The following CPA6 variants were observed in gnomAD, a reference collection of about 807,000 sequenced individuals.
The protein encoded by CPA6 is carboxypeptidase B.
A neutral mutation model predicts 63.3 loss-of-function variants in CPA6; 58 were observed. The ratio of observed to expected loss-of-function variants is 0.92; its 90% CI spans 0.74 to 1.14. The LOEUF is 1.14. Ranked by LOEUF, CPA6 falls within the 50% of genes most tolerant of loss-of-function variation. CPA6 has a pLI of 0.00. For missense variants in CPA6, 565 were observed against 526.6 expected (o/e 1.07, Z -0.71); for synonymous variants, 185 against 179.0 (o/e 1.03, Z -0.27).
At chr8:67,437,763 A>T (rs1360539092) in intron 8 of CPA6, among the ~76,000 whole-genome samples, 2 of 152,202 alleles carry the variant, frequency 1.3e-5, no homozygotes, top group East Asian at 3.8e-4. Flanking sequence ...AGGCATGGGG[A>T]AGAGTAAAGA....
At chr8:67,538,386 A>G (rs1639042009) in intron 2 of CPA6, among the ~76,000 whole-genome samples, 2 of 151,998 alleles carry the variant, frequency 1.3e-5, no homozygotes, top group South Asian at 4.1e-4. Context: ...GGGTGCATAT[A>G]TATTTAGGAT....
At chr8:67,459,757 C>G (rs1388645991) in intron 8 of CPA6, among the ~76,000 whole-genome samples, 1 of 152,190 alleles carries the variant, frequency 6.6e-6, no homozygotes, top group African/African-American at 2.4e-5. Flanking sequence ...TACATATGTT[C>G]CAACATTTCA....
At chr8:67,644,949 A>G (rs1032821080) in intron 1 of CPA6, among the ~76,000 whole-genome samples, 2 of 152,162 alleles carry the variant, frequency 1.3e-5, no homozygotes, top group Non-Finnish European at 2.9e-5. Context: ...GAATGCACCT[A>G]TAGGTGAGGT....
intron 1 of CPA6, among the ~76,000 whole-genome samples, chr8:67,691,383 G>A (rs1450250188): frequency 6.6e-6 from 1 of 152,176 alleles, no homozygotes; most frequent in Non-Finnish European, 1.5e-5. Flanking sequence ...CTTGTCACTG[G>A]CACGTGGCTG....
At chr8:67,444,387 T>C (rs542773471) in intron 8 of CPA6, among the ~76,000 whole-genome samples, 2 of 152,232 alleles carry the variant, frequency 1.3e-5, no homozygotes, top group Admixed American at 6.5e-5. Context: ...CATGTTAAGT[T>C]TGGCTGCCAA....
At chr8:67,600,971 C>G (rs1322761665) in intron 2 of CPA6, among the ~76,000 whole-genome samples, 1 of 152,132 alleles carries the variant, frequency 6.6e-6, no homozygotes, top group African/African-American at 2.4e-5. Flanking sequence ...TTATGGAGAA[C>G]AGCAAAGCTC....
chr8:67,556,162 T>C (rs1048267788), intron 2 of CPA6, among the ~76,000 whole-genome samples: 3 of 152,188 alleles, frequency 2.0e-5, no homozygotes, highest in South Asian at 4.1e-4. Context: ...ACCTGGATTA[T>C]ATTAGTTAAG....
intron 1 of CPA6, among the ~76,000 whole-genome samples, chr8:67,625,861 A>G (rs1815182664): frequency 6.6e-6 from 1 of 152,212 alleles, no homozygotes; most frequent in African/African-American, 2.4e-5. Flanking sequence ...TTTACTTCTT[A>G]GATGATGATA....
intron 2 of CPA6, among the ~76,000 whole-genome samples, chr8:67,621,984 T>C (rs1180068711): frequency 6.6e-6 from 1 of 152,242 alleles, no homozygotes; most frequent in Non-Finnish European, 1.5e-5. Context: ...ATTCCATCTA[T>C]GATGATTTCT....
intron 2 of CPA6, among the ~76,000 whole-genome samples, chr8:67,518,787 A>G (rs1812202561): frequency 6.6e-6 from 1 of 152,044 alleles, no homozygotes; most frequent in Admixed American, 6.6e-5. Context: ...CTGGGATTAC[A>G]TACGTGAGCC....
chr8:67,642,846 A>G (rs914756143), intron 1 of CPA6, among the ~76,000 whole-genome samples: 1 of 149,808 alleles, frequency 6.7e-6, no homozygotes, highest in Non-Finnish European at 1.5e-5. Flanking sequence ...ATGGATTAAG[A>G]ATTCAACTGA....
chr8:67,543,724 G>A (rs1812753966), intron 2 of CPA6, among the ~76,000 whole-genome samples: 1 of 151,808 alleles, frequency 6.6e-6, no homozygotes. Flanking sequence ...CACATCTCCA[G>A]ACCTTTTTCA....
intron 1 of CPA6, among the ~76,000 whole-genome samples, chr8:67,721,094 C>CA (rs1032720477): frequency 1.3e-5 from 2 of 152,142 alleles, no homozygotes; most frequent in African/African-American, 2.4e-5. Context: ...AGCAGGCTGG[C>CA]AAAAAAATTT....
chr8:67,569,819 A>C (rs1490873563), intron 2 of CPA6: 1 of 195,630 alleles, frequency 5.1e-6, no homozygotes, highest in African/African-American at 2.4e-5. Flanking sequence ...CTCAGCAAGC[A>C]CAGCTAGCGG....
intron 6 of CPA6, among the ~76,000 whole-genome samples, chr8:67,491,514 A>G (rs995777981): frequency 3.3e-5 from 5 of 152,186 alleles, no homozygotes; most frequent in Non-Finnish European, 5.9e-5. Flanking sequence ...AATAAGAAAC[A>G]TAAATATTTG....
chr8:67,620,681 T>G (rs1587642531), intron 2 of CPA6, among the ~76,000 whole-genome samples: 1 of 152,304 alleles, frequency 6.6e-6, no homozygotes, highest in African/African-American at 2.4e-5. Flanking sequence ...ATGGTTTGCT[T>G]GGTTGAAATC....
At chr8:67,558,434 C>T (rs1018285202) in intron 2 of CPA6, among the ~76,000 whole-genome samples, 1 of 152,174 alleles carries the variant, frequency 6.6e-6, no homozygotes, top group South Asian at 2.1e-4. Context: ...TACTCTACCT[C>T]TTTAAGTATT....
intron 1 of CPA6, among the ~76,000 whole-genome samples, chr8:67,655,793 A>G (rs1815969640): frequency 6.6e-6 from 1 of 152,116 alleles, no homozygotes. Context: ...TAAAACTACC[A>G]CCACTGTGTG....
chr8:67,728,024 G>A (rs1817630839), intron 1 of CPA6, among the ~76,000 whole-genome samples: 1 of 150,250 alleles, frequency 6.7e-6, no homozygotes, highest in Admixed American at 6.6e-5. Flanking sequence ...CTTGCAGTGA[G>A]CCGAGATAGC....
Sources: gnomAD v4.1 joint callset for allele counts (sites outside exome capture counted in the v4.1 genomes callset) on GRCh38, gnomAD v4.1.1 for gene constraint, MANE v1.5 for transcripts, NCBI Gene and HGNC (gene_info 2026-07-23, HGNC 2026-07-21) for gene names.